The following NPTN variants were observed in gnomAD, a reference collection of about 807,000 sequenced individuals.
The protein encoded by NPTN is neuroplastin, also known as SDR-1.
A neutral mutation model predicts 42.7 loss-of-function variants in NPTN; 5 were observed. The ratio of observed to expected loss-of-function variants is 0.12; its 90% confidence interval spans 0.06 to 0.25. NPTN has a LOEUF of 0.25. Among genes scored for constraint, NPTN ranks in the 10% least tolerant of loss-of-function variants. The pLI is 1.00. For synonymous variants in NPTN, 180 were observed against 201.9 expected (o/e 0.89, Z 0.92); for missense variants, 307 against 525.4 (o/e 0.58, Z 4.06).
intron 1 of NPTN, among the ~76,000 whole-genome samples, chr15:73,625,357 CTT>C (rs912982375): frequency 6.8e-6 from 1 of 146,922 alleles, no homozygotes. Context: ...TTCTAAAGAG[CTT>C]TTTTTTTTTG....
intron 6 of NPTN, chr15:73,567,578 A>C: frequency 7.1e-6 from 7 of 985,412 alleles, no homozygotes; most frequent in Non-Finnish European, 8.4e-6. Flanking sequence ...CTGGCTAAAG[A>C]AGGAAAAGGC....
At chr15:73,574,681 G>C (rs897846172) in intron 4 of NPTN, among the ~76,000 whole-genome samples, 8 of 152,120 alleles carry the variant, frequency 5.3e-5, no homozygotes, top group Non-Finnish European at 8.8e-5. Flanking sequence ...CCAAAGTGCT[G>C]GGATTACAGG....
chr15:73,626,930 G>A (rs888014034), intron 1 of NPTN, among the ~76,000 whole-genome samples: 1 of 152,112 alleles, frequency 6.6e-6, no homozygotes, highest in African/African-American at 2.4e-5. Flanking sequence ...GGCAAGAGAA[G>A]GATATCCAAA....
intron 4 of NPTN, among the ~76,000 whole-genome samples, chr15:73,581,072 G>A (rs766015429): frequency 1.3e-5 from 2 of 152,144 alleles, no homozygotes; most frequent in African/African-American, 4.8e-5. Context: ...CTAAGGCTTC[G>A]ACTCTGTCAT....
chr15:73,571,810 C>CAT (rs1199855276), intron 5 of NPTN, among the ~76,000 whole-genome samples: 1 of 152,168 alleles, frequency 6.6e-6, no homozygotes, highest in Non-Finnish European at 1.5e-5. Flanking sequence ...CTAGATATGG[C>CAT]ATACAATCTT....
intron 4 of NPTN, among the ~76,000 whole-genome samples, chr15:73,586,001 A>C (rs1248273352): frequency 3.3e-5 from 5 of 152,262 alleles, no homozygotes; most frequent in Non-Finnish European, 2.9e-5. Context: ...ACAAATGGAA[A>C]AACCATTTTG....
chr15:73,599,600 C>T (rs1896990471), intron 1 of NPTN: 1 of 130,398 alleles, frequency 7.7e-6, no homozygotes, highest in Non-Finnish European at 1.5e-5. Context: ...GGCGACAGAG[C>T]GAGACTCCGT....
chr15:73,574,481 C>T lies in NPTN; in HGVS notation c.707-686G>A, dbSNP rs562037694. Among the ~76,000 whole-genome samples the T allele has an allele frequency of 5.3e-5, 8 of 152,262 alleles. No homozygotes were observed. In the South Asian group the frequency reaches 1.2e-3, roughly 24 times the overall value. ...TATCGTCCAGGCTGGAGCATAGTGG[C>T]ATGATCGCTGCTCACTGTAGCCTCA... On this transcript the variant is annotated intron_variant, in intron 4 of 8. Transcript: ENST00000345330.
At chr15:73,567,260 A>G in intron 6 of NPTN, 4 of 985,436 alleles carry the variant, frequency 4.1e-6, no homozygotes, top group Non-Finnish European at 4.8e-6. Context: ...GTCTGAAATG[A>G]GCCATGGGTG....
At chr15:73,612,892 C>T (rs1179772102) in intron 1 of NPTN, among the ~76,000 whole-genome samples, 1 of 152,200 alleles carries the variant, frequency 6.6e-6, no homozygotes, top group Non-Finnish European at 1.5e-5. Flanking sequence ...AGGAGGAAAT[C>T]TCCTAAGCCT....
intron 6 of NPTN, chr15:73,567,002 CTT>C (rs10539085): frequency 0.23 from 184,373 of 805,768 alleles, 97 homozygotes; most frequent in Non-Finnish European, 0.25. Context: ...AGACATGGGG[CTT>C]TTTTTTTTTT....
intron 7 of NPTN, 41 bp from the exon 8 acceptor site, chr15:73,562,011 A>T: frequency 6.9e-7 from 1 of 1,442,452 alleles, no homozygotes; most frequent in Non-Finnish European, 9.6e-7. Context: ...AAACTCAGTC[A>T]ATAACTTTTC....
intron 1 of NPTN, among the ~76,000 whole-genome samples, chr15:73,617,930 C>T (rs773912056): frequency 5.9e-5 from 9 of 152,192 alleles, no homozygotes; most frequent in Non-Finnish European, 1.0e-4. Flanking sequence ...CTTTCATCCT[C>T]CAGCTGTAAA....
At chr15:73,581,381 C>T (rs1896036249) in intron 4 of NPTN, among the ~76,000 whole-genome samples, 1 of 152,096 alleles carries the variant, frequency 6.6e-6, no homozygotes, top group Non-Finnish European at 1.5e-5. Flanking sequence ...GGGGCACAGA[C>T]TAAGTGGCAA....
chr15:73,568,573 G>T, intron 6 of NPTN: 1 of 985,384 alleles, frequency 1.0e-6, no homozygotes, highest in Non-Finnish European at 1.2e-6. Context: ...GTCCTAATAT[G>T]TAGCAGGAAA....
At chr15:73,567,361 A>T in intron 6 of NPTN, 1 of 985,420 alleles carries the variant, frequency 1.0e-6, no homozygotes, top group Non-Finnish European at 1.2e-6. Flanking sequence ...AAAAAAATCC[A>T]ACACAGAGCC....
chr15:73,613,495 G>C (rs1406426863), intron 1 of NPTN, among the ~76,000 whole-genome samples: 1 of 151,950 alleles, frequency 6.6e-6, no homozygotes, highest in Non-Finnish European at 1.5e-5. Context: ...TCAATGAACA[G>C]TAATATTTAC....
rs1054982148 is a variant in NPTN, at chr15:73,625,623, G to A, written c.91+7502C>T. Reference sequence around the variant, plus strand: ...TGGGATTACAGGAGTGAGCCACCGCGTCCGGCCAAGAGCTTTATTTTTCAA... The same window carrying A: ...TGGGATTACAGGAGTGAGCCACCGCATCCGGCCAAGAGCTTTATTTTTCAA... On this transcript the variant is annotated intron_variant, in intron 1 of 8. Transcript: ENST00000345330. 5.3e-5 allele frequency among the ~76,000 whole-genome samples: 8 copies of A among 152,114 alleles called. No homozygotes were observed. In the East Asian group the frequency reaches 5.8e-4, roughly 11 times the overall value.
intron 1 of NPTN, among the ~76,000 whole-genome samples, chr15:73,600,534 C>T (rs1595939565): frequency 2.0e-5 from 3 of 152,134 alleles, no homozygotes; most frequent in Admixed American, 2.0e-4. Flanking sequence ...ATTTTGCCCA[C>T]GGTCACAAGC....
Sources: gnomAD v4.1 joint callset for allele counts (sites outside exome capture counted in the v4.1 genomes callset) on GRCh38, gnomAD v4.1.1 for gene constraint, MANE v1.5 for transcripts, NCBI Gene and HGNC (gene_info 2026-07-23, HGNC 2026-07-21) for gene names.